Variants in RBBP8 observed in about 807,000 individuals in gnomAD.
RBBP8 encodes the protein RB binding protein 8, endonuclease.
Under a neutral mutation model 108.3 loss-of-function variants are expected in RBBP8, and 88 were observed. The observed-to-expected ratio is 0.81, with a 90% CI of 0.68 to 0.97. The LOEUF is 0.97. RBBP8 is among the 50% of genes least tolerant of loss of function. RBBP8 has a pLI of 0.00. For synonymous variants in RBBP8, 332 were observed against 348.2 expected, an observed-to-expected ratio of 0.95 and a Z score of 0.52; for missense variants, 1,023 against 1,049.0, an observed-to-expected ratio of 0.98 and a Z score of 0.34.
chr18:22,976,773 T>G (rs928247260), intron 6 of RBBP8, among the ~76,000 whole-genome samples: 1 of 152,076 alleles, frequency 6.6e-6, no homozygotes, highest in East Asian at 1.9e-4. Context: ...GCCTTGATCT[T>G]TATGAGTACC....
chr18:23,007,063 C>T (rs1418586414), intron 16 of RBBP8, among the ~76,000 whole-genome samples: 1 of 149,954 alleles, frequency 6.7e-6, no homozygotes, highest in African/African-American at 2.5e-5. Flanking sequence ...CTCTGTTGCC[C>T]CGGCTGGAGT....
intron 15 of RBBP8, 112 bp downstream of exon 15, chr18:23,001,841 T>C: frequency 7.3e-7 from 1 of 1,375,662 alleles, no homozygotes; most frequent in South Asian, 1.3e-5. Flanking sequence ...AAGTTTCATA[T>C]TTCTTGTATA....
intron 4 of RBBP8, among the ~76,000 whole-genome samples, chr18:22,962,282 A>G (rs894292596): frequency 7.9e-5 from 12 of 151,702 alleles, no homozygotes; most frequent in Admixed American, 7.2e-4. Flanking sequence ...CTGAAGTTAT[A>G]CTGGCCTCCT....
chr18:23,003,826 A>G (rs1453773552), intron 15 of RBBP8, among the ~76,000 whole-genome samples: 1 of 152,190 alleles, frequency 6.6e-6, no homozygotes, highest in Non-Finnish European at 1.5e-5. Flanking sequence ...AAAATGGCCA[A>G]GGCGGGCGGA....
chr18:22,988,089 G>T (rs1254006922), intron 8 of RBBP8, among the ~76,000 whole-genome samples: 1 of 152,010 alleles, frequency 6.6e-6, no homozygotes, highest in African/African-American at 2.4e-5. Flanking sequence ...CTGCATATCT[G>T]TTTTACATAT....
At chr18:22,926,378 G>A (rs536160885) in intron 3 of RBBP8, among the ~76,000 whole-genome samples, 8 of 152,154 alleles carry the variant, frequency 5.3e-5, no homozygotes, top group African/African-American at 9.7e-5. Flanking sequence ...AGCCAAGATC[G>A]TGCCACTGCA....
chr18:22,992,566 G>A (rs1020941264), intron 10 of RBBP8, among the ~76,000 whole-genome samples, 182 bp from the exon 11 acceptor site: 2 of 152,180 alleles, frequency 1.3e-5, no homozygotes, highest in South Asian at 4.1e-4. Flanking sequence ...GAATATTATG[G>A]TGTTGAGAAA....
chr18:22,920,841 C>G (rs986683207), intron 3 of RBBP8: 8 of 152,054 alleles, frequency 5.3e-5, no homozygotes, highest in Admixed American at 2.0e-4. Flanking sequence ...TTGGTAGATC[C>G]TAGGAGAGCA....
intron 8 of RBBP8, among the ~76,000 whole-genome samples, chr18:22,987,649 A>G (rs181300766): frequency 6.6e-6 from 1 of 152,146 alleles, no homozygotes; most frequent in Non-Finnish European, 1.5e-5. Flanking sequence ...ACAGTGTTTC[A>G]CCATGTTGCC....
intron 6 of RBBP8, among the ~76,000 whole-genome samples, chr18:22,978,640 G>A (rs907418888): frequency 1.3e-5 from 2 of 152,066 alleles, no homozygotes; most frequent in Non-Finnish European, 2.9e-5. Context: ...AGGCTGTGAC[G>A]TGATTAGTTA....
intron 16 of RBBP8, among the ~76,000 whole-genome samples, chr18:23,014,274 A>G (rs1323570934): frequency 6.6e-6 from 1 of 152,168 alleles, no homozygotes; most frequent in Non-Finnish European, 1.5e-5. Context: ...GACTGGATCA[A>G]GTAGTAGTTT....
intron 2 of RBBP8, chr18:22,937,258 T>C (rs1910655970): frequency 2.6e-6 from 1 of 387,370 alleles, no homozygotes; most frequent in Non-Finnish European, 4.9e-6. Context: ...CCCCTCTTTG[T>C]GTCCATGTGT....
chr18:22,947,078 C>CA lies in RBBP8; in HGVS notation c.152+593dup, dbSNP rs201183213. On this transcript the variant is annotated intron_variant, in intron 3 of 18. Transcript: ENST00000327155. ...ACATTCAGGAATCTGAAACAGATGG[C>CA]AGAGTAGCTTTGTAACACTTACTAA... Among the ~76,000 whole-genome samples the CA allele has an allele frequency of 4.1e-3, 628 of 152,138 alleles. 6 individuals are homozygous for CA. The highest frequency in any genetic ancestry group is 0.014 in the African/African-American group (593 of 41,542).
intron 4 of RBBP8, among the ~76,000 whole-genome samples, chr18:22,959,726 G>A (rs969111879): frequency 6.6e-6 from 1 of 151,640 alleles, no homozygotes; most frequent in Non-Finnish European, 1.5e-5. Context: ...ATTTATATGT[G>A]TGTGTGTGTT....
intron 4 of RBBP8, among the ~76,000 whole-genome samples, chr18:22,952,616 A>G (rs1455596704): frequency 6.6e-6 from 1 of 152,182 alleles, no homozygotes; most frequent in Non-Finnish European, 1.5e-5. Context: ...GTTATATAAC[A>G]CAGCCATGTC....
At chr18:23,022,406 G>C in intron 18 of RBBP8, 136 bp downstream of exon 18, 2 of 793,108 alleles carry the variant, frequency 2.5e-6, no homozygotes, top group Non-Finnish European at 3.8e-6. Context: ...TTCAAGACCA[G>C]CCTGGCCAAC....
chr18:22,930,794 G>C (rs1464199215), upstream of RBBP8, among the ~76,000 whole-genome samples: 5 of 152,032 alleles, frequency 3.3e-5, no homozygotes, highest in African/African-American at 1.2e-4. Context: ...TTTTAAGACA[G>C]GGTCTCTCGC....
intron 17 of RBBP8, among the ~76,000 whole-genome samples, chr18:23,018,088 G>T (rs2046291905): frequency 6.6e-6 from 1 of 151,710 alleles, no homozygotes; most frequent in Non-Finnish European, 1.5e-5. Flanking sequence ...TTTTGCTCTT[G>T]TTGCCTAGGC....
rs1456731133 is a variant in RBBP8 at position 22,993,149 on chromosome 18, G to T, written c.1322G>T (p.Gly441Val). The T allele has an allele frequency of 1.2e-6, 2 of 1,614,006 alleles. No homozygotes were observed. Among genetic ancestry groups the T allele is most frequent in the Non-Finnish European group, 8.5e-7 (1 of 1,180,000 alleles). The change falls in exon 11 of 19, where the codon GGA (glycine) becomes GTA (valine). Residue 441 changes from glycine to valine, a missense_variant. Coordinates refer to ENST00000327155, the MANE Select transcript of RBBP8 (RefSeq NM_002894.3). ...CATTTGGAGCCCCTGAAATCATTGG[G>T]AGGCCGAACATCCAAAAGGAAGAAA... Reference protein sequence around the residue: ...DKHLEPLKSLGGRTSKRKKTE... With the variant: ...DKHLEPLKSLVGRTSKRKKTE...
Sources: allele counts gnomAD v4.1 joint callset (sites outside exome capture counted in the v4.1 genomes callset), GRCh38; gene constraint gnomAD v4.1.1; transcripts MANE v1.5; gene names NCBI Gene and HGNC (gene_info 2026-07-23, HGNC 2026-07-21).